The following NEBL variants were observed in gnomAD, a reference collection of about 807,000 sequenced individuals.
The protein encoded by NEBL is LIM and SH3 protein 2.
In NEBL, 122 loss-of-function variants were observed where a neutral mutation model predicts 140.2. That is an observed-to-expected ratio of 0.87 (90% CI 0.75 to 1.01). The LOEUF is 1.01. NEBL is among the 50% of genes least tolerant of loss of function. NEBL has a pLI of 0.00. For missense variants in NEBL, 1,365 were observed against 1,231.3 expected (o/e 1.11, Z -1.62); for synonymous variants, 436 against 398.9 (o/e 1.09, Z -1.11).
chr10:20,789,953 G>GTATATA (rs144361238), intron 26 of NEBL, among the ~76,000 whole-genome samples: 1 of 146,432 alleles, frequency 6.8e-6, no homozygotes, highest in Admixed American at 6.9e-5. Context: ...ATATGTGTGT[G>GTATATA]TATATATATA....
chr10:21,258,441 G>A (rs7904635), intron 1 of NEBL, among the ~76,000 whole-genome samples: 54,420 of 151,890 alleles, frequency 0.36, 12,820 homozygotes, highest in African/African-American at 0.67. Context: ...GCTGTGGCTC[G>A]TACCTGTAAT....
chr10:21,113,311 GA>G (rs1336179507), intron 2 of NEBL: 1 of 168,820 alleles, frequency 5.9e-6, no homozygotes. Flanking sequence ...AAAAAACCAG[GA>G]AAAAACTCCT....
At chr10:20,970,358 G>C (rs1354513313) in intron 3 of NEBL, among the ~76,000 whole-genome samples, 2 of 152,140 alleles carry the variant, frequency 1.3e-5, no homozygotes, top group African/African-American at 4.8e-5. Context: ...ATACAAATAG[G>C]CTGGGCACAG....
intron 1 of NEBL, among the ~76,000 whole-genome samples, chr10:21,288,283 C>G (rs1357882653): frequency 6.7e-6 from 1 of 149,394 alleles, no homozygotes. Flanking sequence ...GCCTGGCCAA[C>G]ATAATGAAAC....
At chr10:20,788,323 T>C (rs1042112686) in intron 26 of NEBL, among the ~76,000 whole-genome samples, 2 of 152,186 alleles carry the variant, frequency 1.3e-5, no homozygotes, top group Non-Finnish European at 2.9e-5. Context: ...TAGTTTGCCA[T>C]TTTTGTTTAA....
At position 21,230,477 on chromosome 10, in the gene NEBL, A is replaced by G. The variant is rs144362681; in HGVS notation, n.348+17444T>C. Among the ~76,000 whole-genome samples, 92 of 152,224 alleles carry G rather than the reference A, an allele frequency of 6.0e-4. 1 individual carries two copies. The highest frequency in any genetic ancestry group is 2.1e-3 in the African/African-American group (86 of 41,534). On this transcript the variant is annotated intron_variant and non_coding_transcript_variant, in intron 3 of 8. Coordinates refer to the NEBL transcript ENST00000675702. ...ATGATTTATTAAAATGTAAATTACT[A>G]TGGTTTCAAGATGAATGTGTCAACA...
At chr10:21,100,991 T>A (rs1837452230) in intron 2 of NEBL, among the ~76,000 whole-genome samples, 1 of 152,220 alleles carries the variant, frequency 6.6e-6, no homozygotes, top group South Asian at 2.1e-4. Flanking sequence ...GAACATTTTG[T>A]GGCTTTTTTT....
intron 3 of NEBL, among the ~76,000 whole-genome samples, chr10:20,965,659 G>A (rs138940616): frequency 4.8e-4 from 73 of 152,208 alleles, no homozygotes; most frequent in African/African-American, 1.5e-3. Context: ...GCGGAACAGC[G>A]GTATGCCCTG....
At chr10:21,285,580 T>C (rs879665822) in intron 1 of NEBL, among the ~76,000 whole-genome samples, 3 of 152,322 alleles carry the variant, frequency 2.0e-5, no homozygotes, top group Admixed American at 2.0e-4. Flanking sequence ...TGGGGACATG[T>C]CGTCAGGACC....
At chr10:21,104,122 C>A (rs1837602187) in intron 2 of NEBL, among the ~76,000 whole-genome samples, 1 of 152,272 alleles carries the variant, frequency 6.6e-6, no homozygotes, top group East Asian at 1.9e-4. Context: ...CCCTGTATAT[C>A]TTCTACCTGT....
intron 1 of NEBL, among the ~76,000 whole-genome samples, chr10:21,285,217 C>T (rs564979719): frequency 2.0e-4 from 31 of 152,264 alleles, no homozygotes; most frequent in African/African-American, 7.5e-4. Flanking sequence ...ATTGGTGCAG[C>T]TTGTAAGGCT....
At chr10:20,808,151 A>T (rs1837780556) in intron 26 of NEBL, among the ~76,000 whole-genome samples, 1 of 152,094 alleles carries the variant, frequency 6.6e-6, no homozygotes, top group Admixed American at 6.5e-5. Flanking sequence ...AATGGAAATC[A>T]TATAAAAACT....
At chr10:21,033,514 G>A (rs589425) in intron 2 of NEBL, among the ~76,000 whole-genome samples, 92,482 of 151,958 alleles carry the variant, frequency 0.61, 28,173 homozygotes, top group East Asian at 0.73. Flanking sequence ...TTAAATCTCT[G>A]TCACTCTCAA....
chr10:21,259,250 G>C (rs553594821), intron 1 of NEBL, among the ~76,000 whole-genome samples: 1 of 152,192 alleles, frequency 6.6e-6, no homozygotes, highest in South Asian at 2.1e-4. Flanking sequence ...ACCATGCCCA[G>C]CTAATTTTTG....
At chr10:21,073,700 C>T (rs1053965750) in intron 2 of NEBL, among the ~76,000 whole-genome samples, 1 of 148,798 alleles carries the variant, frequency 6.7e-6, no homozygotes, top group Non-Finnish European at 1.5e-5. Context: ...CAAAGAAAAA[C>T]AAATCTCATA....
At chr10:20,886,041 G>C (rs1846488434) in intron 4 of NEBL, among the ~76,000 whole-genome samples, 1 of 152,144 alleles carries the variant, frequency 6.6e-6, no homozygotes, top group African/African-American at 2.4e-5. Context: ...TGTATTTTCA[G>C]ACTACTTAAA....
At position 21,073,614 on chromosome 10, in the gene NEBL, C is replaced by A. The variant is rs184573151; in HGVS notation, c.165-53413G>T. On this transcript the variant is annotated intron_variant, in intron 2 of 6. Transcript: ENST00000417816. The stretch of plus-strand genomic sequence containing the variant: ...CCTGGGTGACAGAGCAAGACTCTGT[C>A]GTCAAAAAAAAAAAAAAAAAAAAGT... 8.4e-3 allele frequency among the ~76,000 whole-genome samples: 972 copies of A among 115,926 alleles called. 10 individuals are homozygous for A. Among genetic ancestry groups the A allele is most frequent in the African/African-American group, 0.034 (889 of 26,224 alleles). 76.1% of individuals were successfully genotyped at this position (115,926 alleles called of 152,430 possible). A position where few individuals can be genotyped will look rare whatever the true frequency, so the allele number is the denominator to read the frequency against.
intron 16 of NEBL, 131 bp from the exon 17 acceptor site, chr10:20,828,765 CAG>C (rs10631047): frequency 0.041 from 22,773 of 550,042 alleles, no homozygotes; most frequent in South Asian, 0.049. Flanking sequence ...CTTACACTCC[CAG>C]AGAGAGAGAG....
At chr10:21,045,857 A>G (rs915290755) in intron 2 of NEBL, among the ~76,000 whole-genome samples, 25 of 152,226 alleles carry the variant, frequency 1.6e-4, no homozygotes, top group Non-Finnish European at 5.9e-5. Context: ...CAATCCCACT[A>G]CTGGGTATAC....
Sources: allele counts gnomAD v4.1 joint callset (sites outside exome capture counted in the v4.1 genomes callset), GRCh38; gene constraint gnomAD v4.1.1; transcripts MANE v1.5; gene names NCBI Gene and HGNC (gene_info 2026-07-23, HGNC 2026-07-21).